Variants in MCC observed in about 807,000 individuals in gnomAD.
MCC encodes MCC regulator of Wnt signaling pathway.
In MCC, 90 loss-of-function variants were observed where a neutral mutation model predicts 116.2. The observed-to-expected ratio is 0.77, with a 90% CI of 0.65 to 0.92. The LOEUF (loss-of-function observed/expected upper bound fraction) is 0.92, where lower values mean the gene tolerates loss of function less well. MCC is among the 40% of genes least tolerant of loss of function. The pLI, the probability that MCC is intolerant of heterozygous loss-of-function variation, is 0.00. For synonymous variants in MCC, 578 were observed against 510.5 expected, an observed-to-expected ratio of 1.13 and a Z score of -1.78; for missense variants, 1,516 against 1,312.2, an observed-to-expected ratio of 1.16 and a Z score of -2.40.
chr5:113,055,052 C>T (rs1752740242), intron 14 of MCC, among the ~76,000 whole-genome samples: 1 of 152,212 alleles, frequency 6.6e-6, no homozygotes, highest in Admixed American at 6.5e-5. Context: ...CTGAAGATGG[C>T]AGAGGAAAAA....
intron 3 of MCC, among the ~76,000 whole-genome samples, chr5:113,168,956 C>T (rs1760921462): frequency 6.6e-6 from 1 of 152,176 alleles, no homozygotes; most frequent in African/African-American, 2.4e-5. Flanking sequence ...ATCCAACAGA[C>T]ATAATCGGTG....
At chr5:113,120,487 C>T (rs997061982) in intron 6 of MCC, among the ~76,000 whole-genome samples, 1 of 152,214 alleles carries the variant, frequency 6.6e-6, no homozygotes, top group Non-Finnish European at 1.5e-5. Flanking sequence ...GCCTCCTCTG[C>T]CCCACTGGCT....
intron 11 of MCC, among the ~76,000 whole-genome samples, chr5:113,082,173 C>T (rs570625038): frequency 1.3e-5 from 2 of 152,348 alleles, no homozygotes; most frequent in South Asian, 2.1e-4. Context: ...ACTGAAACTA[C>T]CTCTTTTGTA....
At chr5:113,145,781 CACAAACACACACACACACACACACAA>C (rs1438870222) in intron 4 of MCC, among the ~76,000 whole-genome samples, 10 of 13,742 alleles carry the variant, frequency 7.3e-4, no homozygotes, top group East Asian at 7.2e-3. Flanking sequence ...CACACACACA[CACAAACACACACACACACACACACAA>C]AAGACCCTGT....
At chr5:113,073,654 T>TG (rs1435732750) in intron 11 of MCC, among the ~76,000 whole-genome samples, 39 of 139,180 alleles carry the variant, frequency 2.8e-4, no homozygotes, top group Non-Finnish European at 4.9e-4. Flanking sequence ...GCCATATGGC[T>TG]GCTTTTTTTT....
chr5:113,208,515 T>C (rs1763000475), intron 3 of MCC, among the ~76,000 whole-genome samples: 1 of 152,150 alleles, frequency 6.6e-6, no homozygotes, highest in South Asian at 2.1e-4. Flanking sequence ...ATGGTATTTG[T>C]GACTTTCTTT....
intron 1 of MCC, among the ~76,000 whole-genome samples, chr5:113,462,584 T>C (rs1316990509): frequency 1.3e-5 from 2 of 152,152 alleles, no homozygotes; most frequent in Non-Finnish European, 2.9e-5. Flanking sequence ...ATTCCGACAA[T>C]GTGAGAAAAA....
At chr5:113,140,268 T>C (rs1454320793) in intron 5 of MCC, among the ~76,000 whole-genome samples, 1 of 152,128 alleles carries the variant, frequency 6.6e-6, no homozygotes, top group Non-Finnish European at 1.5e-5. Context: ...ATGAAATAGT[T>C]ACAGAGTCTC....
chr5:113,443,490 T>C (rs1172709380), intron 1 of MCC, among the ~76,000 whole-genome samples: 1 of 152,172 alleles, frequency 6.6e-6, no homozygotes, highest in Non-Finnish European at 1.5e-5. Context: ...CCTTTTTTTC[T>C]TTCTCTTGCT....
At chr5:113,425,865 T>C (rs915811639) in intron 1 of MCC, among the ~76,000 whole-genome samples, 5 of 151,590 alleles carry the variant, frequency 3.3e-5, no homozygotes, top group Non-Finnish European at 7.4e-5. Flanking sequence ...GTGGTGGAAG[T>C]GGATGGAGGG....
chr5:113,301,095 G>C (rs554610492), intron 3 of MCC, among the ~76,000 whole-genome samples: 1 of 152,322 alleles, frequency 6.6e-6, no homozygotes, highest in African/African-American at 2.4e-5. Flanking sequence ...GGATTCAGTG[G>C]TGTATGGGAT....
chr5:113,049,917 G>T (rs769095798), intron 15 of MCC, among the ~76,000 whole-genome samples: 1 of 152,190 alleles, frequency 6.6e-6, no homozygotes, highest in African/African-American at 2.4e-5. Flanking sequence ...CTGCTCATCA[G>T]ACAACTTCTA....
chr5:113,475,863 G>T (rs1227107791), intron 1 of MCC, among the ~76,000 whole-genome samples: 1 of 152,148 alleles, frequency 6.6e-6, no homozygotes, highest in Non-Finnish European at 1.5e-5. Flanking sequence ...CGCATGTATG[G>T]TGGGAAATAC....
intron 3 of MCC, among the ~76,000 whole-genome samples, chr5:113,158,147 T>G (rs1466574324): frequency 6.6e-6 from 1 of 152,232 alleles, no homozygotes; most frequent in Non-Finnish European, 1.5e-5. Context: ...TTTTGGAATT[T>G]TCCACTTAAC....
rs868278575 is a variant in MCC at position 113,434,949 on chromosome 5, G to C, written c.171-49737C>G. ...GATAGAGAGTCCTTTGGGCTGGCCA[G>C]GCCTGCTGTTCCTGCCTCCTAGAGG... On this transcript the variant is annotated intron_variant, in intron 1 of 18. Coordinates refer to ENST00000408903, the MANE Select transcript of MCC (RefSeq NM_001085377.2). The surrounding 1 kb of genome is among the most constrained non-coding windows in gnomAD (Gnocchi z 4.2). 7.2e-7 allele frequency: 1 copy of C among 1,383,454 alleles called. No individual in the cohort carries two copies. The highest frequency in any genetic ancestry group is 2.5e-5 in the Admixed American group (1 of 40,514). The allele number at this position is 1,383,454 out of a possible 1,614,324, so 85.7% of individuals were successfully genotyped here.
chr5:113,037,099 TG>T (rs1289713002), intron 17 of MCC, among the ~76,000 whole-genome samples: 2 of 152,250 alleles, frequency 1.3e-5, no homozygotes, highest in Non-Finnish European at 2.9e-5. Flanking sequence ...AAGATTCTGC[TG>T]CTTATTTGTT....
chr5:113,422,136 T>C (rs116292983), intron 1 of MCC, among the ~76,000 whole-genome samples: 7,547 of 152,262 alleles, frequency 0.05, 261 homozygotes, highest in Middle Eastern at 0.12. Context: ...GAAAAAGCCT[T>C]GATTTGGAGC....
chr5:113,166,788 T>C (rs1218055941), intron 3 of MCC, among the ~76,000 whole-genome samples: 1 of 142,004 alleles, frequency 7.0e-6, no homozygotes, highest in African/African-American at 2.6e-5. Flanking sequence ...AAATTTGAAA[T>C]GGGATGATTT....
At chr5:113,080,950 A>G (rs768982025) in intron 11 of MCC, among the ~76,000 whole-genome samples, 7 of 152,188 alleles carry the variant, frequency 4.6e-5, no homozygotes, top group Non-Finnish European at 7.3e-5. Context: ...AACAGAATAT[A>G]AGCTCCATGA....
Sources: allele counts gnomAD v4.1 joint callset (sites outside exome capture counted in the v4.1 genomes callset), GRCh38; gene constraint gnomAD v4.1.1; non-coding constraint Gnocchi (gnomAD v3.1); transcripts MANE v1.5; gene names NCBI Gene and HGNC (gene_info 2026-07-23, HGNC 2026-07-21).